Variants in CHM observed in about 807,000 individuals in gnomAD.
The protein encoded by CHM is rab proteins geranylgeranyltransferase component A 1.
CHM carries 10 observed loss-of-function variants against 49.0 expected under a neutral mutation model. The ratio of observed to expected loss-of-function variants is 0.20; its 90% CI spans 0.13 to 0.35. The LOEUF is 0.35. CHM is among the 10% of genes least tolerant of loss of function. CHM has a pLI of 1.00. For missense variants in CHM, 455 were observed against 478.4 expected (o/e 0.95, Z 0.46); for synonymous variants, 184 against 167.5 (o/e 1.10, Z -0.76).
chrX:85,942,518 T>C (rs17318261), intron 8 of CHM, among the ~76,000 whole-genome samples: 25,148 of 111,114 alleles, frequency 0.23, 2,169 homozygotes, highest in Non-Finnish European at 0.25. Context: ...GTCTTATGGA[T>C]GCTAGATCAA....
chrX:85,953,195 T>A (rs190319382), intron 8 of CHM, among the ~76,000 whole-genome samples: 42 of 111,773 alleles, frequency 3.8e-4, no homozygotes, highest in African/African-American at 1.3e-3. Flanking sequence ...TGCAATTAAA[T>A]ACCTAGGAAT....
At chrX:86,044,155 T>C (rs1457829585) in intron 1 of CHM, among the ~76,000 whole-genome samples, 1 of 111,961 alleles carries the variant, frequency 8.9e-6, no homozygotes, top group African/African-American at 3.3e-5. Flanking sequence ...GAATAGGCAA[T>C]ACAGTAAACT....
intron 5 of CHM, among the ~76,000 whole-genome samples, chrX:85,961,631 G>A (rs1049967747): frequency 9.2e-6 from 1 of 109,192 alleles, no homozygotes; most frequent in African/African-American, 3.3e-5. Context: ...TTTTAAAAAC[G>A]GAAAATTAAT....
intron 2 of CHM, among the ~76,000 whole-genome samples, chrX:86,020,913 G>GAT (rs201483592): frequency 1.0e-4 from 10 of 97,632 alleles, no homozygotes; most frequent in South Asian, 4.5e-4. Flanking sequence ...ACATACATCT[G>GAT]ATATATATAT....
chrX:85,876,820 T>A (rs1440293132), intron 13 of CHM, among the ~76,000 whole-genome samples: 1 of 111,442 alleles, frequency 9.0e-6, no homozygotes, highest in African/African-American at 3.3e-5. Context: ...AGATTAATGT[T>A]TAAAAATCTA....
rs1284209355 is a variant in CHM, at chrX:85,957,990, G to A, written c.820-15C>T. 4.1e-6 allele frequency: 5 copies of A among 1,205,674 alleles called. No individual in the cohort carries two copies. The Admixed American group carries it at 8.8e-5, about 21-fold the overall frequency. ...GAACACGGAACCTGAAAAATATTAT[G>A]ATTTTAAGTTAAGAAACTGCTTCCT... On this transcript the variant is annotated splice_polypyrimidine_tract_variant and intron_variant, in intron 6 of 14. Coordinates refer to ENST00000357749, the MANE Select transcript of CHM (RefSeq NM_000390.4).
At position 85,984,226 on chromosome X, in the gene CHM, T is replaced by C. The variant is rs767144611; in HGVS notation, c.117-2417A>G. On this transcript the variant is annotated intron_variant, in intron 2 of 14. Transcript: ENST00000357749. The stretch of plus-strand genomic sequence containing the variant: ...TCAAAAAAAAATAAAAAATAAAAAA[T>C]AAAAATAAAACTTGTTATCCAGAAT... Among the ~76,000 whole-genome samples, 6 of 109,955 alleles carry C rather than the reference T, an allele frequency of 5.5e-5. No homozygotes were observed. In the East Asian group the frequency reaches 1.7e-3, roughly 31 times the overall value.
chrX:85,866,455 C>A (rs1272320326), intron 14 of CHM, among the ~76,000 whole-genome samples: 1 of 112,781 alleles, frequency 8.9e-6, no homozygotes, highest in Non-Finnish European at 1.9e-5. Context: ...AGGGGTAGAG[C>A]CCTCATGGAG....
chrX:85,965,573 A>C (rs1930535434), intron 4 of CHM, among the ~76,000 whole-genome samples: 1 of 111,342 alleles, frequency 9.0e-6, no homozygotes, highest in South Asian at 3.8e-4. Flanking sequence ...TTTTTGTTTC[A>C]AATGCGAAAC....
chrX:85,932,670 C>G (rs1378306918), intron 8 of CHM, among the ~76,000 whole-genome samples: 1 of 111,986 alleles, frequency 8.9e-6, no homozygotes. Context: ...CTTTCATGTC[C>G]TAATTGGACA....
Position 85,894,299 on chromosome X carries a change from T to C in CHM, c.1414-15A>G. 1 of 1,140,972 alleles carries C rather than the reference T, an allele frequency of 8.8e-7. No individual in the cohort carries two copies. Among genetic ancestry groups the C allele is most frequent in the Non-Finnish European group, 1.2e-6 (1 of 831,440 alleles). 94.0% of individuals were successfully genotyped at this position (1,140,972 alleles called of 1,213,427 possible). A position where few individuals can be genotyped will look rare whatever the true frequency, so the allele number is the denominator to read the frequency against. ...AAAATGGAAATCTAAAAAGCAAAAA[T>C]AAAGTATCAGACACAGCTGTTAGAT... On this transcript the variant is annotated splice_polypyrimidine_tract_variant and intron_variant, in intron 11 of 14. Transcript: ENST00000357749.
chrX:86,021,125 C>CTTATATATATAT, intron 2 of CHM, among the ~76,000 whole-genome samples: 1 of 19,987 alleles, frequency 5.0e-5, no homozygotes, highest in East Asian at 6.8e-3. Flanking sequence ...TGTGTATATA[C>CTTATATATATAT]GTATATATAT....
At chrX:86,027,703 T>C (rs1933888870) in intron 1 of CHM, 146 bp from the exon 2 acceptor site, 5 of 477,387 alleles carry the variant, frequency 1.0e-5, no homozygotes, top group Non-Finnish European at 1.8e-5. Flanking sequence ...AAAGTTTATA[T>C]TAATTATACT....
intron 2 of CHM, among the ~76,000 whole-genome samples, chrX:85,997,383 A>G (rs991152676): frequency 1.8e-5 from 2 of 112,052 alleles, no homozygotes; most frequent in Non-Finnish European, 3.8e-5. Context: ...CTAGAAAAGA[A>G]CATAACCTCA....
chrX:85,986,683 C>A (rs923021654), intron 2 of CHM, among the ~76,000 whole-genome samples: 1 of 111,842 alleles, frequency 8.9e-6, no homozygotes, highest in African/African-American at 3.3e-5. Flanking sequence ...ACTCACTCTA[C>A]ACTTTAGTTA....
chrX:86,006,174 C>G (rs865978307), intron 2 of CHM, among the ~76,000 whole-genome samples: 4 of 111,769 alleles, frequency 3.6e-5, no homozygotes, highest in Admixed American at 9.5e-5. Context: ...ACATGATTAT[C>G]TCAAGAGGTG....
In CHM at chrX:85,932,273, C is replaced by T. The variant is rs772552699; in HGVS notation, c.1167-20935G>A. On this transcript the variant is annotated intron_variant, in intron 8 of 14. Coordinates refer to ENST00000357749, the MANE Select transcript of CHM (RefSeq NM_000390.4). The stretch of plus-strand genomic sequence containing the variant: ...TATTAGTACATTTCTAGTATTAAGA[C>T]TATCTCTCTAAAGAATGGCTAAAGT... 1.1e-4 allele frequency among the ~76,000 whole-genome samples: 12 copies of T among 111,911 alleles called. No individual in the cohort carries two copies. The South Asian group carries it at 4.5e-3, about 42-fold the overall frequency.
chrX:85,951,331 T>C (rs1929737544), intron 8 of CHM, among the ~76,000 whole-genome samples: 1 of 110,844 alleles, frequency 9.0e-6, no homozygotes, highest in Non-Finnish European at 1.9e-5. Flanking sequence ...ATTTGATTCC[T>C]GAAAAACAGA....
At chrX:86,008,535 T>C (rs1334594989) in intron 2 of CHM, among the ~76,000 whole-genome samples, 1 of 112,083 alleles carries the variant, frequency 8.9e-6, no homozygotes, top group Middle Eastern at 4.2e-3. Context: ...AAAAGTAGTA[T>C]TTTAATAAAT....
Sources: allele counts gnomAD v4.1 joint callset (sites outside exome capture counted in the v4.1 genomes callset), GRCh38; gene constraint gnomAD v4.1.1; transcripts MANE v1.5; gene names NCBI Gene and HGNC (gene_info 2026-07-23, HGNC 2026-07-21).